PDE1A: variants seen among roughly 807,000 people sequenced by gnomAD.
The protein encoded by PDE1A is phosphodiesterase 1A.
PDE1A carries 35 observed loss-of-function variants against 61.7 expected under a neutral mutation model. The ratio of observed to expected loss-of-function variants is 0.57; its 90% CI spans 0.43 to 0.75. The LOEUF (loss-of-function observed/expected upper bound fraction) is 0.75. Ranked by LOEUF, PDE1A falls within the 30% of genes least tolerant of loss-of-function variation. The probability of loss-of-function intolerance (pLI) is 0.00; values close to 1 mark genes in which losing one functional copy is unlikely to be tolerated. For synonymous variants in PDE1A, 232 were observed against 213.2 expected (o/e 1.09, Z -0.77); for missense variants, 597 against 630.6 (o/e 0.95, Z 0.57).
chr2:182,401,930 A>C (rs1253498431), intron 1 of PDE1A, among the ~76,000 whole-genome samples: 1 of 152,158 alleles, frequency 6.6e-6, no homozygotes, highest in African/African-American at 2.4e-5. Context: ...CACAATTACT[A>C]CAAAGAAAAT....
chr2:182,172,469 A>G (rs962082996), intron 13 of PDE1A, among the ~76,000 whole-genome samples: 3 of 152,066 alleles, frequency 2.0e-5, no homozygotes, highest in Non-Finnish European at 2.9e-5. Flanking sequence ...ATCTCATAAT[A>G]CACAGTGGTT....
chr2:182,453,453 G>A (rs1335537570), intron 2 of PDE1A, among the ~76,000 whole-genome samples: 1 of 151,794 alleles, frequency 6.6e-6, no homozygotes, highest in Non-Finnish European at 1.5e-5. Context: ...AAATCTGTGT[G>A]CAGGAAATTA....
the PDE1A span, among the ~76,000 whole-genome samples, chr2:182,678,874 T>C: frequency 6.6e-6 from 1 of 152,302 alleles, no homozygotes; most frequent in South Asian, 2.1e-4. Context: ...TACTTTCTAA[T>C]GTTTCATTGC....
At chr2:182,612,941 T>A in the PDE1A span, among the ~76,000 whole-genome samples, 1 of 152,246 alleles carries the variant, frequency 6.6e-6, no homozygotes, top group Non-Finnish European at 1.5e-5. Context: ...GCAGTTTTTT[T>A]ATCTTTTCAT....
intron 2 of PDE1A, among the ~76,000 whole-genome samples, chr2:182,463,843 G>T (rs1408597953): frequency 3.3e-5 from 5 of 152,172 alleles, no homozygotes; most frequent in Admixed American, 2.6e-4. Flanking sequence ...AGTACAAGCT[G>T]TGGAAAAGCA....
At chr2:182,661,766 G>A in the PDE1A span, among the ~76,000 whole-genome samples, 1 of 152,072 alleles carries the variant, frequency 6.6e-6, no homozygotes, top group Non-Finnish European at 1.5e-5. Context: ...ATAAATAGCT[G>A]TATAATATAA....
At chr2:182,384,060 C>T (rs924652245) in intron 1 of PDE1A, among the ~76,000 whole-genome samples, 1 of 152,210 alleles carries the variant, frequency 6.6e-6, no homozygotes, top group Non-Finnish European at 1.5e-5. Context: ...GACCACATCA[C>T]CAGCAGGCTG....
At chr2:182,369,312 T>C (rs959778843) in intron 1 of PDE1A, among the ~76,000 whole-genome samples, 10 of 152,244 alleles carry the variant, frequency 6.6e-5, no homozygotes, top group South Asian at 2.1e-4. Flanking sequence ...ATTGTTTTTA[T>C]ATAATAGCTT....
At chr2:182,523,754 A>G (rs897228327), upstream of PDE1A, among the ~76,000 whole-genome samples, 1 of 152,200 alleles carries the variant, frequency 6.6e-6, no homozygotes, top group African/African-American at 2.4e-5. Flanking sequence ...CCTGTTCAAC[A>G]GTTGAGAAAA....
chr2:182,598,668 G>C, the PDE1A span, among the ~76,000 whole-genome samples: 1 of 151,844 alleles, frequency 6.6e-6, no homozygotes, highest in African/African-American at 2.4e-5. Flanking sequence ...TCTGCCTTTC[G>C]AGTGTGGGGG....
At chr2:182,558,615 T>C in the PDE1A span, among the ~76,000 whole-genome samples, 1 of 152,216 alleles carries the variant, frequency 6.6e-6, no homozygotes, top group Non-Finnish European at 1.5e-5. Flanking sequence ...ACTGCAATTT[T>C]AAAACATCTG....
chr2:182,233,356 A>G (rs751890995), intron 4 of PDE1A, among the ~76,000 whole-genome samples: 1 of 152,124 alleles, frequency 6.6e-6, no homozygotes, highest in Non-Finnish European at 1.5e-5. Context: ...CACAACCCTC[A>G]CACGCACATT....
chr2:182,324,666 T>C (rs1404374979), intron 1 of PDE1A, among the ~76,000 whole-genome samples: 1 of 152,150 alleles, frequency 6.6e-6, no homozygotes, highest in African/African-American at 2.4e-5. Context: ...TGTGGGTACA[T>C]TGGGTAGCAC....
At chr2:182,554,620 G>C in the PDE1A span, among the ~76,000 whole-genome samples, 2 of 152,088 alleles carry the variant, frequency 1.3e-5, no homozygotes, top group African/African-American at 2.4e-5. Context: ...TTTTCTCAAA[G>C]CTTCATAATC....
intron 13 of PDE1A, among the ~76,000 whole-genome samples, chr2:182,160,357 T>C (rs1691310629): frequency 6.6e-6 from 1 of 152,094 alleles, no homozygotes; most frequent in Non-Finnish European, 1.5e-5. Flanking sequence ...ACCCATGAGT[T>C]AGTGAACTGG....
At chr2:182,249,853 T>C (rs1691270095) in intron 2 of PDE1A, among the ~76,000 whole-genome samples, 1 of 152,144 alleles carries the variant, frequency 6.6e-6, no homozygotes, top group South Asian at 2.1e-4. Context: ...TTTATTGCTT[T>C]CTTACTAAGA....
At chr2:182,172,427 T>C (rs1293303108) in intron 13 of PDE1A, among the ~76,000 whole-genome samples, 1 of 152,066 alleles carries the variant, frequency 6.6e-6, no homozygotes, top group Non-Finnish European at 1.5e-5. Context: ...TCAAAATCCA[T>C]AGTTTTTACA....
chr2:182,638,589 C>A, the PDE1A span, among the ~76,000 whole-genome samples: 1 of 152,098 alleles, frequency 6.6e-6, no homozygotes, highest in African/African-American at 2.4e-5. Context: ...TTCTCTTCTC[C>A]TCCTGAATGT....
At chr2:182,396,306 C>T (rs370909684) in intron 1 of PDE1A, among the ~76,000 whole-genome samples, 2 of 152,228 alleles carry the variant, frequency 1.3e-5, no homozygotes, top group Admixed American at 6.5e-5. Context: ...GTGGGCAGAA[C>T]TTCGAGCAGT....
Sources: allele counts gnomAD v4.1 joint callset (sites outside exome capture counted in the v4.1 genomes callset), GRCh38; gene constraint gnomAD v4.1.1; transcripts MANE v1.5; gene names NCBI Gene and HGNC (gene_info 2026-07-23, HGNC 2026-07-21).